Variants in KCNIP1 observed in about 807,000 individuals in gnomAD.
The protein encoded by KCNIP1 is potassium voltage-gated channel interacting protein 1.
Under a neutral mutation model 33.0 loss-of-function variants are expected in KCNIP1, and 18 were observed. The observed-to-expected ratio is 0.55, with a 90% confidence interval of 0.38 to 0.81. The LOEUF (loss-of-function observed/expected upper bound fraction) is 0.81, where lower values mean the gene tolerates loss of function less well. Among genes scored for constraint, KCNIP1 ranks in the 30% least tolerant of loss-of-function variants. The pLI, the probability that KCNIP1 is intolerant of heterozygous loss-of-function variation, is 0.00. For missense variants in KCNIP1, 238 were observed against 271.6 expected, an observed-to-expected ratio of 0.88 and a Z score of 0.87; for synonymous variants, 93 against 98.3, an observed-to-expected ratio of 0.95 and a Z score of 0.32.
At chr5:170,615,535 T>G (rs1353406557) in intron 1 of KCNIP1, among the ~76,000 whole-genome samples, 1 of 152,118 alleles carries the variant, frequency 6.6e-6, no homozygotes, top group Non-Finnish European at 1.5e-5. Flanking sequence ...CTCATCACCG[T>G]CACAATCCCG....
intron 1 of KCNIP1, among the ~76,000 whole-genome samples, chr5:170,494,786 G>A (rs1312155257): frequency 1.3e-5 from 2 of 152,110 alleles, no homozygotes; most frequent in African/African-American, 2.4e-5. Flanking sequence ...TCCCTCCACT[G>A]CTCCCATCTG....
chr5:170,386,127 A>AAAC (rs1554088469), intron 1 of KCNIP1, among the ~76,000 whole-genome samples: 8 of 152,060 alleles, frequency 5.3e-5, no homozygotes, highest in African/African-American at 1.9e-4. Context: ...TCCGTCAAAA[A>AAAC]AAAAAACAAA....
intron 1 of KCNIP1, among the ~76,000 whole-genome samples, chr5:170,640,233 T>G (rs1561735556): frequency 6.6e-6 from 1 of 152,218 alleles, no homozygotes; most frequent in Non-Finnish European, 1.5e-5. Context: ...TCCCAACTCC[T>G]GAGACAGGGA....
At chr5:170,370,098 G>GGA (rs958601937) in intron 1 of KCNIP1, among the ~76,000 whole-genome samples, 3 of 152,030 alleles carry the variant, frequency 2.0e-5, no homozygotes, top group East Asian at 3.9e-4. Flanking sequence ...AAGCAAGAGG[G>GGA]GAGAGAGAGA....
chr5:170,565,211 G>A (rs989952185), intron 1 of KCNIP1, among the ~76,000 whole-genome samples: 1 of 151,910 alleles, frequency 6.6e-6, no homozygotes, highest in Non-Finnish European at 1.5e-5. Flanking sequence ...AATTAGTGAC[G>A]TTCAGATCTC....
In KCNIP1 at chr5:170,589,812, G is replaced by A. The variant is rs182428651; in HGVS notation, c.61+85179G>A. On this transcript the variant is annotated intron_variant, in intron 1 of 7. Coordinates refer to ENST00000328939, the MANE Select transcript of KCNIP1 (RefSeq NM_014592.4). Reference sequence around the variant, plus strand: ...GATGTGGTGTGCGGTGCGGTGCGGTGCGGTGTGGTGTGGTATGGGTTGAGG... The same window carrying A: ...GATGTGGTGTGCGGTGCGGTGCGGTACGGTGTGGTGTGGTATGGGTTGAGG... Among the ~76,000 whole-genome samples, 4 of 152,022 alleles carry A rather than the reference G, an allele frequency of 2.6e-5. No individual in the cohort carries two copies. In the East Asian group the frequency reaches 7.8e-4, roughly 30 times the overall value.
At chr5:170,503,544 G>T (rs1463565801), upstream of KCNIP1, among the ~76,000 whole-genome samples, 10 of 152,028 alleles carry the variant, frequency 6.6e-5, no homozygotes, top group African/African-American at 2.4e-4. Context: ...GGAGCAGGAC[G>T]GCACCTTCTT....
At chr5:170,390,517 A>AAAAAAAAAATAT in intron 1 of KCNIP1, among the ~76,000 whole-genome samples, 1 of 74,546 alleles carries the variant, frequency 1.3e-5, no homozygotes, top group Non-Finnish European at 2.5e-5. Flanking sequence ...AAAAAAAACA[A>AAAAAAAAAATAT]ATATATATAT....
intron 1 of KCNIP1, among the ~76,000 whole-genome samples, chr5:170,416,600 G>A (rs1755336327): frequency 6.8e-6 from 1 of 147,824 alleles, no homozygotes; most frequent in Non-Finnish European, 1.5e-5. Flanking sequence ...ATTTAAAATG[G>A]AGAAGATCAG....
chr5:170,512,181 A>G (rs936530798), intron 1 of KCNIP1, among the ~76,000 whole-genome samples: 1 of 152,226 alleles, frequency 6.6e-6, no homozygotes, highest in Non-Finnish European at 1.5e-5. Context: ...TCTCTTTGTT[A>G]TAGCCATCAT....
chr5:170,655,489 T>G (rs914759770), intron 1 of KCNIP1, among the ~76,000 whole-genome samples: 3 of 152,208 alleles, frequency 2.0e-5, no homozygotes, highest in Non-Finnish European at 4.4e-5. Flanking sequence ...CCAAAGAGTT[T>G]ATGATGTGGT....
chr5:170,594,207 C>T (rs181393654), intron 1 of KCNIP1, among the ~76,000 whole-genome samples: 1 of 152,262 alleles, frequency 6.6e-6, no homozygotes, highest in African/African-American at 2.4e-5. Context: ...CGTGACTATT[C>T]CCATCTTCCC....
chr5:170,665,710 G>A (rs192263212), intron 1 of KCNIP1, among the ~76,000 whole-genome samples: 10 of 152,168 alleles, frequency 6.6e-5, no homozygotes, highest in African/African-American at 9.6e-5. Flanking sequence ...ATTCCATTTC[G>A]TAGGCATGTC....
intron 1 of KCNIP1, among the ~76,000 whole-genome samples, chr5:170,553,932 C>T (rs571684559): frequency 6.6e-6 from 1 of 152,182 alleles, no homozygotes; most frequent in Admixed American, 6.5e-5. Flanking sequence ...ATATCTAGCA[C>T]ATACAGGTGG....
At chr5:170,444,467 A>G (rs1756062315) in intron 1 of KCNIP1, among the ~76,000 whole-genome samples, 1 of 152,122 alleles carries the variant, frequency 6.6e-6, no homozygotes, top group South Asian at 2.1e-4. Context: ...CTTTAAAGCC[A>G]GCTGATTGAC....
At chr5:170,540,409 C>A (rs758557543) in intron 1 of KCNIP1, among the ~76,000 whole-genome samples, 6 of 152,230 alleles carry the variant, frequency 3.9e-5, no homozygotes, top group Non-Finnish European at 7.3e-5. Context: ...GGTTGTCAGA[C>A]AATGAGCCTC....
chr5:170,613,114 G>C (rs1048569984), intron 1 of KCNIP1, among the ~76,000 whole-genome samples: 1 of 152,156 alleles, frequency 6.6e-6, no homozygotes, highest in Non-Finnish European at 1.5e-5. Flanking sequence ...CTTCCACCCT[G>C]TCTCCACCTG....
chr5:170,660,896 G>C (rs952457788), intron 1 of KCNIP1, among the ~76,000 whole-genome samples: 9 of 152,362 alleles, frequency 5.9e-5, no homozygotes, highest in African/African-American at 1.9e-4. Context: ...AAAAGAACCA[G>C]TGAGATTAAC....
chr5:170,578,278 C>T (rs568382011), intron 1 of KCNIP1, among the ~76,000 whole-genome samples: 1 of 152,206 alleles, frequency 6.6e-6, no homozygotes, highest in African/African-American at 2.4e-5. Context: ...CTCTGAGTGC[C>T]ATGGTTCAGA....
Sources: gnomAD v4.1 joint callset for allele counts (sites outside exome capture counted in the v4.1 genomes callset) on GRCh38, gnomAD v4.1.1 for gene constraint, MANE v1.5 for transcripts, NCBI Gene and HGNC (gene_info 2026-07-23, HGNC 2026-07-21) for gene names.